Variants in KRT24 observed in about 807,000 individuals in gnomAD.
KRT24 encodes keratin 24.
In KRT24, 44 loss-of-function variants were observed where a neutral mutation model predicts 51.7. That is an observed-to-expected ratio of 0.85 (90% confidence interval 0.67 to 1.09). The LOEUF is 1.09. KRT24 is among the 50% of genes least tolerant of loss of function. The pLI, the probability that KRT24 is intolerant of heterozygous loss-of-function variation, is 0.00. For missense variants in KRT24, 633 were observed against 647.0 expected (o/e 0.98, Z 0.24); for synonymous variants, 241 against 249.5 (o/e 0.97, Z 0.32).
At position 40,698,612 on chromosome 17, in the gene KRT24, CCTGAGTTT is replaced by C. The variant is rs1408726162; in HGVS notation, c.1392_1399del (p.Asn465IlefsTer13). 1.4e-5 allele frequency: 23 copies of C among 1,611,608 alleles called. No individual in the cohort carries two copies. Among genetic ancestry groups the C allele is most frequent in the Non-Finnish European group, 1.9e-5 (22 of 1,177,930 alleles). On this transcript the variant is annotated frameshift_variant, in exon 7 of 8. Transcript: ENST00000264651. LOFTEE classifies it high-confidence loss of function. ...ATCCCTGGATCCCATGTTTACAGAT[CCTGAGTTT>C]CTACCACCAAATTCTGCAAAACTAG...
At chr17:40,699,713 A>AT in intron 5 of KRT24, 52 bp from the exon 6 acceptor site, 4 of 1,525,728 alleles carry the variant, frequency 2.6e-6, no homozygotes, top group South Asian at 2.3e-5. Flanking sequence ...TCATTGGATG[A>AT]TTTTTTAAAA....
chr17:40,698,284 C>A lies in KRT24; in HGVS notation c.1531G>T (p.Val511Phe), dbSNP rs1386206441. ...ATACTGCTGACTTGAGACGAGACAA[C>A]CTTGCCATCCACCAACTCCTCTACG... Reference protein sequence around the residue: ...TIVEELVDGKVVSSQVSSISE... With the variant: ...TIVEELVDGKFVSSQVSSISE... Residue 511 changes from valine (V) to phenylalanine (F), a missense_variant, in exon 8 of 8, where the codon GTT (valine) becomes TTT (phenylalanine). Transcript: ENST00000264651. 2.5e-6 allele frequency: 4 copies of A among 1,613,720 alleles called. No homozygotes were observed. The highest frequency in any genetic ancestry group is 3.4e-6 in the Non-Finnish European group (4 of 1,179,752).
rs746573955 is a variant in KRT24, at chr17:40,698,357, T to G, written c.1475-17A>C. The G allele has an allele frequency of 6.6e-7, 1 of 1,506,212 alleles. No individual in the cohort carries two copies. Among genetic ancestry groups the G allele is most frequent in the Non-Finnish European group, 9.2e-7 (1 of 1,082,730 alleles). 93.3% of individuals were successfully genotyped at this position (1,506,212 alleles called of 1,614,324 possible). On this transcript the variant is annotated splice_polypyrimidine_tract_variant and intron_variant, in intron 7 of 7. Coordinates refer to ENST00000264651, the MANE Select transcript of KRT24 (RefSeq NM_019016.3). ...TGCTTGAATCTGAAAATCATGGGATTGCAATGTCAGTCTGGAAACTCTCAC... is the reference window on the plus strand; with the variant it reads ...TGCTTGAATCTGAAAATCATGGGATGGCAATGTCAGTCTGGAAACTCTCAC...
At position 40,700,378 on chromosome 17, in the gene KRT24, C is replaced by T; in HGVS notation, c.861G>A (p.Met287Ile). 2 of 1,607,544 alleles carry T rather than the reference C, an allele frequency of 1.2e-6. No individual in the cohort carries two copies. Among genetic ancestry groups the T allele is most frequent in the Non-Finnish European group, 1.7e-6 (2 of 1,176,078 alleles). Residue 287 changes from methionine (M) to isoleucine (I), a missense_variant, in exon 4 of 8, where the codon ATG becomes ATA. By Grantham distance (10) the Met-to-Ile change is conservative. Coordinates refer to ENST00000264651, the MANE Select transcript of KRT24 (RefSeq NM_019016.3). ...AYLRKNHEEE[M>I]KNMQGSSGGE... ...CTCCAGAGCTTCCTTGCATATTCTT[C>T]ATTTCCTAGCATGAAGGAAAAAAGA...
rs539260389 is a variant in KRT24, at chr17:40,700,016, A to C, written c.1125T>G (p.Leu375=). 17 of 1,614,080 alleles carry C rather than the reference A, an allele frequency of 1.1e-5. No individual in the cohort carries two copies. The highest frequency in any genetic ancestry group is 1.4e-5 in the Non-Finnish European group (17 of 1,180,040). Residue 375 remains leucine (L), a synonymous_variant, in exon 5 of 8, where the codon CTT becomes CTG. Coordinates refer to ENST00000264651, the MANE Select transcript of KRT24 (RefSeq NM_019016.3). ...KRTLQALEIE[L]QSQLAMKSSL... ...CACATACCATGGCCAGTTGGGACTG[A>C]AGCTCAATTTCCAGGGCTTGCAGGG...
chr17:40,700,156 T>A (rs747242596), intron 4 of KRT24, 33 bp from the exon 5 acceptor site: 2 of 1,613,946 alleles, frequency 1.2e-6, no homozygotes, highest in African/African-American at 1.3e-5. Context: ...TGTTGTAGGC[T>A]GATGAAAGGA....
At chr17:40,702,750 C>A (rs1001591765) in intron 1 of KRT24, among the ~76,000 whole-genome samples, 38 of 152,228 alleles carry the variant, frequency 2.5e-4, no homozygotes, top group African/African-American at 8.4e-4. Context: ...TAAAATGTGT[C>A]AGTCTGTCAG....
chr17:40,701,060 G>A, intron 3 of KRT24, 80 bp downstream of exon 3: 1 of 1,447,896 alleles, frequency 6.9e-7, no homozygotes, highest in Non-Finnish European at 9.5e-7. Context: ...ACTGCACCCA[G>A]CCAATTTTAT....
intron 5 of KRT24, 99 bp from the exon 6 acceptor site, chr17:40,699,760 C>CAT: frequency 9.2e-7 from 1 of 1,081,420 alleles, no homozygotes; most frequent in Non-Finnish European, 1.4e-6. Context: ...GCACCTTCGC[C>CAT]ATATAACCTA....
In KRT24 at chr17:40,703,713, G is replaced by A. The variant is rs368072927; in HGVS notation, c.-20C>T. ...AGACATGGTGCTCCTGCAAACATGA[G>A]CTTGTCCAGGCGAATAGGAGAGGTG... On this transcript the variant is annotated 5_prime_UTR_variant, in exon 1 of 8. Coordinates refer to ENST00000264651, the MANE Select transcript of KRT24 (RefSeq NM_019016.3). The A allele has an allele frequency of 1.7e-4, 261 of 1,535,904 alleles. No individual in the cohort carries two copies. The highest frequency in any genetic ancestry group is 2.2e-4 in the Middle Eastern group (1 of 4,642).
At chr17:40,698,516 A>G (rs767495852) in intron 7 of KRT24, 22 bp downstream of exon 7, 6 of 1,352,440 alleles carry the variant, frequency 4.4e-6, no homozygotes, top group East Asian at 2.3e-5. Context: ...CAGAACTATT[A>G]TCAATATTAA....
Position 40,703,608 on chromosome 17 carries a change from C to G in KRT24, c.86G>C (p.Ser29Thr), listed in dbSNP as rs1348799218. ...GCCCCCCAGACCACATCTGCTTCCA[C>G]TGCTGAAGCTGCTTCCACCAGCAGA... ...RVSAGGSSFSSGSRCGLGGSS... is the reference protein window; with the variant it reads ...RVSAGGSSFSTGSRCGLGGSS... Residue 29 changes from serine (S) to threonine (T), a missense_variant, in exon 1 of 8, where the codon AGT (serine) becomes ACT (threonine). Coordinates refer to ENST00000264651, the MANE Select transcript of KRT24 (RefSeq NM_019016.3). 3 of 1,612,630 alleles carry G rather than the reference C, an allele frequency of 1.9e-6. No homozygotes were observed. In the Admixed American group the frequency reaches 5.0e-5, roughly 27 times the overall value.
chr17:40,698,499 T>G (rs1471350075), intron 7 of KRT24, 39 bp downstream of exon 7: 1 of 1,294,458 alleles, frequency 7.7e-7, no homozygotes, highest in Non-Finnish European at 1.1e-6. Flanking sequence ...TCTTCACTTT[T>G]AAATTACAGA....
At chr17:40,699,347 C>G in intron 6 of KRT24, 97 bp downstream of exon 6, 1 of 915,242 alleles carries the variant, frequency 1.1e-6, no homozygotes, top group Non-Finnish European at 1.8e-6. Flanking sequence ...CTTTATTACT[C>G]TCTATATATA....
At position 40,700,042 on chromosome 17, in the gene KRT24, T is replaced by C. The variant is rs2037656369; in HGVS notation, c.1099A>G (p.Thr367Ala). Reference sequence around the variant, plus strand: ...AGCTCAATTTCCAGGGCTTGCAGGGTACGTTTTAGTTCTGTTATCTCATTC... The same window carrying C: ...AGCTCAATTTCCAGGGCTTGCAGGGCACGTTTTAGTTCTGTTATCTCATTC... Reference protein sequence around the residue: ...AKNEITELKRTLQALEIELQS... With the variant: ...AKNEITELKRALQALEIELQS... Residue 367 changes from threonine to alanine, a missense_variant, in exon 5 of 8, where the codon ACC becomes GCC. Transcript: ENST00000264651. The C allele has an allele frequency of 1.2e-6, 2 of 1,613,956 alleles. No homozygotes were observed. The highest frequency in any genetic ancestry group is 1.3e-5 in the African/African-American group (1 of 74,872).
At chr17:40,698,715 G>A (rs753724177) in intron 6 of KRT24, 65 bp from the exon 7 acceptor site, 6 of 804,320 alleles carry the variant, frequency 7.5e-6, no homozygotes, top group African/African-American at 1.7e-5. Context: ...CCTCCGCCCC[G>A]GGGATTCTTC....
chr17:40,699,431 G>T lies in KRT24; in HGVS notation c.1361+13C>A. On this transcript the variant is annotated intron_variant, in intron 6 of 7. Coordinates refer to ENST00000264651, the MANE Select transcript of KRT24 (RefSeq NM_019016.3). ...AAGGTATGCATTTTAGTTTGTTCAT[G>T]ACTTTGGTTTACCCTCCCTCTCCAT... 3 of 1,609,126 alleles carry T rather than the reference G, an allele frequency of 1.9e-6. No individual in the cohort carries two copies. The highest frequency in any genetic ancestry group is 1.1e-5 in the South Asian group (1 of 90,980).
At position 40,699,518 on chromosome 17, in the gene KRT24, C is replaced by T; in HGVS notation, c.1287G>A (p.Lys429=). Residue 429 remains lysine (K), a synonymous_variant, in exon 6 of 8, where the codon AAG becomes AAA. Coordinates refer to ENST00000264651, the MANE Select transcript of KRT24 (RefSeq NM_019016.3). ...GETKCQNAEY[K]QLLDIKTRLE... ...GGCGTGTCTTGATGTCCAGCAATTG[C>T]TTGTACTCTGCGTTCTGGCATTTAG... 1 of 1,613,994 alleles carries T rather than the reference C, an allele frequency of 6.2e-7. No homozygotes were observed.
At position 40,699,485 on chromosome 17, in the gene KRT24, C is replaced by T; in HGVS notation, c.1320G>A (p.Val440=). 2 of 1,614,166 alleles carry T rather than the reference C, an allele frequency of 1.2e-6. No homozygotes were observed. The highest frequency in any genetic ancestry group is 8.5e-7 in the Non-Finnish European group (1 of 1,180,020). The change falls in exon 6 of 8, where the codon GTG becomes GTA. Residue 440 remains valine (V), a synonymous_variant. Transcript: ENST00000264651. ...GCAGGCGGCGGTAGGTCTCGATCTC[C>T]ACCTCCAGGCGTGTCTTGATGTCCA... ...QLLDIKTRLE[V]EIETYRRLLD... is the part of the protein sequence containing the mutation.
Sources: gnomAD v4.1 joint callset for allele counts (sites outside exome capture counted in the v4.1 genomes callset) on GRCh38, gnomAD v4.1.1 for gene constraint, MANE v1.5 for transcripts, NCBI Gene and HGNC (gene_info 2026-07-23, HGNC 2026-07-21) for gene names.